The following LOXHD1 variants were observed in gnomAD, a reference collection of about 807,000 sequenced individuals.
LOXHD1 encodes the protein lipoxygenase homology PLAT domains 1.
LOXHD1 carries 205 observed loss-of-function variants against 248.2 expected under a neutral mutation model. That is an observed-to-expected ratio of 0.83 (90% CI 0.74 to 0.93). The LOEUF (loss-of-function observed/expected upper bound fraction) is 0.93. Among genes scored for constraint, LOXHD1 ranks in the 40% least tolerant of loss-of-function variants. The pLI is 0.00. For synonymous variants in LOXHD1, 1,113 were observed against 1,162.8 expected, an observed-to-expected ratio of 0.96 and a Z score of 0.87; for missense variants, 2,930 against 2,971.6, an observed-to-expected ratio of 0.99 and a Z score of 0.33.
At chr18:46,521,012 C>A in intron 33 of LOXHD1, 85 bp downstream of exon 33, 1 of 1,459,624 alleles carries the variant, frequency 6.9e-7, no homozygotes. Flanking sequence ...TCTCCTACTT[C>A]TTCCACTTCT....
At chr18:46,637,584 G>C (rs376892173) in intron 4 of LOXHD1, among the ~76,000 whole-genome samples, 5 of 151,676 alleles carry the variant, frequency 3.3e-5, no homozygotes, top group African/African-American at 1.2e-4. Flanking sequence ...ACAGGTGAAG[G>C]GCCCAGGCAA....
rs568749032 is a variant in LOXHD1, at chr18:46,510,629, C to T, written c.5400-814G>A. Among the ~76,000 whole-genome samples the T allele has an allele frequency of 9.9e-5, 15 of 152,266 alleles. No individual in the cohort carries two copies. In the South Asian group the frequency reaches 2.1e-3, roughly 21 times the overall value. ...TGGAGATGTGGCTCTGCATGGCAAT[C>T]GTCGTGCTTCCTTGAATACAAGACA... is the stretch of plus-strand genomic sequence containing the variant. On this transcript the variant is annotated intron_variant, in intron 34 of 40. Coordinates refer to ENST00000642948, the MANE Select transcript of LOXHD1 (RefSeq NM_001384474.1).
chr18:46,533,535 G>T (rs190806492), intron 27 of LOXHD1, among the ~76,000 whole-genome samples: 381 of 152,298 alleles, frequency 2.5e-3, no homozygotes, highest in Non-Finnish European at 3.8e-3. Context: ...CTGAAAGGCT[G>T]GAGTTCCCAG....
In LOXHD1 at chr18:46,552,677, C is replaced by A. The variant is rs552021940; in HGVS notation, c.3350+4679G>T. ...TTCGGTTCAGGCCAGCATCTCCCACCAGTGCCTGACCCCAGCTGGCATTCT... is the reference window on the plus strand; with the variant it reads ...TTCGGTTCAGGCCAGCATCTCCCACAAGTGCCTGACCCCAGCTGGCATTCT... On this transcript the variant is annotated intron_variant, in intron 21 of 40. Transcript: ENST00000642948. Among the ~76,000 whole-genome samples the A allele has an allele frequency of 2.8e-4, 43 of 152,316 alleles. No individual in the cohort carries two copies. In the East Asian group the frequency reaches 7.2e-3, roughly 25 times the overall value.
At chr18:46,497,767 A>C (rs1383899606) in intron 37 of LOXHD1, among the ~76,000 whole-genome samples, 1 of 152,248 alleles carries the variant, frequency 6.6e-6, no homozygotes, top group Non-Finnish European at 1.5e-5. Flanking sequence ...TAAAAGAGAC[A>C]GAATACACAT....
At chr18:46,654,526 C>T (rs553214220) in intron 1 of LOXHD1, among the ~76,000 whole-genome samples, 2 of 152,330 alleles carry the variant, frequency 1.3e-5, no homozygotes, top group East Asian at 3.9e-4. Flanking sequence ...CACGTTCAGC[C>T]TGCCCTCAAA....
chr18:46,572,199 G>A, intron 14 of LOXHD1, 37 bp from the exon 15 acceptor site: 5 of 1,522,864 alleles, frequency 3.3e-6, no homozygotes, highest in Non-Finnish European at 4.5e-6. Context: ...CTCTTTGGGT[G>A]GAGCAGGCAG....
At chr18:46,537,645 C>A (rs770264071) in intron 26 of LOXHD1, among the ~76,000 whole-genome samples, 4 of 152,216 alleles carry the variant, frequency 2.6e-5, no homozygotes, top group Non-Finnish European at 4.4e-5. Context: ...AAACACTGAA[C>A]AACAGCACCT....
intron 31 of LOXHD1, among the ~76,000 whole-genome samples, chr18:46,523,727 C>CA (rs1776081466): frequency 6.6e-6 from 1 of 151,830 alleles, no homozygotes; most frequent in South Asian, 2.1e-4. Context: ...TTTATCTTTA[C>CA]AGGGGGAGCC....
chr18:46,612,083 A>C (rs1184474207), intron 5 of LOXHD1, among the ~76,000 whole-genome samples: 1 of 152,298 alleles, frequency 6.6e-6, no homozygotes, highest in Non-Finnish European at 1.5e-5. Context: ...TATTCATCTG[A>C]CTGCTGTATA....
intron 40 of LOXHD1, among the ~76,000 whole-genome samples, chr18:46,481,663 A>T (rs1349400933): frequency 1.3e-5 from 2 of 152,188 alleles, no homozygotes; most frequent in African/African-American, 4.8e-5. Flanking sequence ...TTCCTCACAG[A>T]TATCTCTTCC....
chr18:46,545,118 G>A (rs1406941254), intron 23 of LOXHD1, among the ~76,000 whole-genome samples, 199 bp downstream of exon 23: 1 of 152,104 alleles, frequency 6.6e-6, no homozygotes, highest in Non-Finnish European at 1.5e-5. Context: ...TTCACCATTA[G>A]AACAGAAAAA....
intron 4 of LOXHD1, among the ~76,000 whole-genome samples, chr18:46,619,915 C>T (rs914103332): frequency 1.3e-5 from 2 of 152,230 alleles, no homozygotes; most frequent in African/African-American, 4.8e-5. Flanking sequence ...CACTGTCAGA[C>T]TCCCACACCT....
chr18:46,608,123 G>A (rs961691576), intron 6 of LOXHD1, among the ~76,000 whole-genome samples: 3 of 142,148 alleles, frequency 2.1e-5, no homozygotes, highest in Non-Finnish European at 4.7e-5. Context: ...ACTCCTAGAT[G>A]CTGTCTGGCA....
In LOXHD1 at chr18:46,572,144, C is replaced by T. The variant is rs1599016368; in HGVS notation, c.1989G>A (p.Lys663=). 1 of 1,551,904 alleles carries T rather than the reference C, an allele frequency of 6.4e-7. No individual in the cohort carries two copies. Among genetic ancestry groups the T allele is most frequent in the South Asian group, 1.2e-5 (1 of 84,062 alleles). Residue 663 remains lysine, a synonymous_variant, in exon 15 of 41, where the codon AAG becomes AAA. Transcript: ENST00000642948. Reference sequence around the variant, plus strand: ...ACTCTCGGACCAGCTGCCCATCATCCTTATCCTTGTCCAACCACCTGGTGG... The same window carrying T: ...ACTCTCGGACCAGCTGCCCATCATCTTTATCCTTGTCCAACCACCTGGTGG... ...FPCLRWLDKD[K]DDGQLVRELL... is the part of the protein sequence containing the mutation.
intron 3 of LOXHD1, among the ~76,000 whole-genome samples, chr18:46,641,215 G>A (rs923399182): frequency 6.6e-6 from 1 of 152,120 alleles, no homozygotes; most frequent in Non-Finnish European, 1.5e-5. Flanking sequence ...TCTAGCAGAA[G>A]GGATAAAAAA....
At chr18:46,569,702 G>A (rs1375633861) in intron 15 of LOXHD1, 64 bp from the exon 16 acceptor site, 3 of 1,370,504 alleles carry the variant, frequency 2.2e-6, no homozygotes, top group Non-Finnish European at 2.0e-6. Flanking sequence ...AGGAAGCAGG[G>A]TGCGTGTATA....
chr18:46,635,548 C>T (rs2038882244), intron 4 of LOXHD1, among the ~76,000 whole-genome samples: 1 of 152,132 alleles, frequency 6.6e-6, no homozygotes, highest in Non-Finnish European at 1.5e-5. Flanking sequence ...GTAATCAACA[C>T]CCTGCCTCCC....
chr18:46,545,283 G>A (rs2036750762), intron 23 of LOXHD1, 34 bp downstream of exon 23: 2 of 1,451,234 alleles, frequency 1.4e-6, no homozygotes, highest in African/African-American at 2.8e-5. Flanking sequence ...GGGGAAGAAT[G>A]TGGGTGAATC....
Sources: gnomAD v4.1 joint callset for allele counts (sites outside exome capture counted in the v4.1 genomes callset) on GRCh38, gnomAD v4.1.1 for gene constraint, MANE v1.5 for transcripts, NCBI Gene and HGNC (gene_info 2026-07-23, HGNC 2026-07-21) for gene names.